FNDC3B: variants seen among roughly 807,000 people sequenced by gnomAD.
FNDC3B encodes the protein fibronectin type III domain containing 3B, also known as fibronectin type III domain-containing protein 3B.
FNDC3B carries 12 observed loss-of-function variants against 151.5 expected under a neutral mutation model. The observed-to-expected ratio is 0.08, with a 90% CI of 0.05 to 0.13. The LOEUF (loss-of-function observed/expected upper bound fraction) is 0.13. Ranked by LOEUF, FNDC3B falls within the 10% of genes least tolerant of loss-of-function variation. FNDC3B has a pLI of 1.00. For synonymous variants in FNDC3B, 528 were observed against 549.0 expected, an observed-to-expected ratio of 0.96 and a Z score of 0.54; for missense variants, 1,214 against 1,505.3, an observed-to-expected ratio of 0.81 and a Z score of 3.20.
At chr3:172,154,176 G>T (rs1037992007) in intron 3 of FNDC3B, among the ~76,000 whole-genome samples, 2 of 152,228 alleles carry the variant, frequency 1.3e-5, no homozygotes, top group Non-Finnish European at 2.9e-5. Flanking sequence ...CAGAATTTTA[G>T]AGTGAGATGG....
chr3:172,053,776 CAAA>C (rs562005467), intron 1 of FNDC3B, among the ~76,000 whole-genome samples: 51 of 113,316 alleles, frequency 4.5e-4, no homozygotes, highest in Non-Finnish European at 5.4e-4. Context: ...AACTCCGTCT[CAAA>C]AAAAAAAAAA....
At chr3:172,341,648 A>T (rs1040807318) in intron 17 of FNDC3B, among the ~76,000 whole-genome samples, 2 of 152,222 alleles carry the variant, frequency 1.3e-5, no homozygotes, top group African/African-American at 4.8e-5. Flanking sequence ...TTTGAGACAT[A>T]CCTTCCTCAA....
At position 172,219,588 on chromosome 3, in the gene FNDC3B, C is replaced by A. The variant is rs151005251; in HGVS notation, c.188-7283C>A. 6.6e-5 allele frequency among the ~76,000 whole-genome samples: 10 copies of A among 152,350 alleles called. No individual in the cohort carries two copies. The East Asian group carries it at 1.9e-3, about 29-fold the overall frequency. On this transcript the variant is annotated intron_variant, in intron 3 of 25. Transcript: ENST00000415807. ...TTTCATCACCCCAAAAAGCTGTACC[C>A]ATTGAGCGGATGCTCCTCAGTCCTG...
At chr3:172,366,326 T>C (rs1232700482) in intron 23 of FNDC3B, among the ~76,000 whole-genome samples, 3 of 152,194 alleles carry the variant, frequency 2.0e-5, no homozygotes, top group African/African-American at 7.2e-5. Context: ...TGTTGTTGTT[T>C]TTACAGCCTC....
chr3:172,150,053 G>C (rs929893726), intron 3 of FNDC3B, among the ~76,000 whole-genome samples: 3 of 151,964 alleles, frequency 2.0e-5, no homozygotes, highest in African/African-American at 7.3e-5. Flanking sequence ...TCCTGACCTT[G>C]TGATCCACCC....
intron 4 of FNDC3B, among the ~76,000 whole-genome samples, chr3:172,234,594 C>T (rs1727043725): frequency 6.6e-6 from 1 of 152,208 alleles, no homozygotes; most frequent in African/African-American, 2.4e-5. Flanking sequence ...GTGTGGCACA[C>T]TTATTGACAT....
chr3:172,119,208 A>T (rs1720418119), intron 2 of FNDC3B, among the ~76,000 whole-genome samples: 1 of 149,980 alleles, frequency 6.7e-6, no homozygotes, highest in Non-Finnish European at 1.5e-5. Flanking sequence ...AGAGGATAGG[A>T]TTTATGACTA....
intron 2 of FNDC3B, among the ~76,000 whole-genome samples, chr3:172,125,739 C>T (rs1214615724): frequency 6.6e-6 from 1 of 152,074 alleles, no homozygotes; most frequent in Non-Finnish European, 1.5e-5. Flanking sequence ...AGAAAATGGC[C>T]ACTTCGCGTC....
At chr3:172,234,717 G>A (rs1383678590) in intron 4 of FNDC3B, among the ~76,000 whole-genome samples, 3 of 152,174 alleles carry the variant, frequency 2.0e-5, no homozygotes, top group African/African-American at 7.2e-5. Context: ...GGAATCATTA[G>A]TGTTAAATTT....
chr3:172,311,057 A>G, intron 11 of FNDC3B, 176 bp downstream of exon 11: 1 of 586,904 alleles, frequency 1.7e-6, no homozygotes. Flanking sequence ...TTGAAGTAGT[A>G]TTATGAGTTG....
intron 1 of FNDC3B, among the ~76,000 whole-genome samples, chr3:172,074,050 G>T (rs1197198558): frequency 6.6e-6 from 1 of 152,200 alleles, no homozygotes; most frequent in Non-Finnish European, 1.5e-5. Flanking sequence ...TGTGGAGGAA[G>T]ACTTTCTCTG....
intron 8 of FNDC3B, among the ~76,000 whole-genome samples, chr3:172,296,771 C>T (rs981757282): frequency 1.1e-4 from 17 of 152,186 alleles, no homozygotes; most frequent in African/African-American, 3.6e-4. Flanking sequence ...CTGAACTGCA[C>T]GGACCCACTT....
chr3:172,225,347 A>AT (rs113441932), intron 3 of FNDC3B: 1 of 162,706 alleles, frequency 6.1e-6, no homozygotes, highest in Non-Finnish European at 1.3e-5. Context: ...CTAATTTTTT[A>AT]TTTTTTGTAG....
chr3:172,248,886 CAAAG>C (rs1259376052), intron 5 of FNDC3B, among the ~76,000 whole-genome samples: 4 of 149,304 alleles, frequency 2.7e-5, no homozygotes, highest in South Asian at 2.1e-4. Flanking sequence ...TTTTTGTAGT[CAAAG>C]AAATTTGACA....
At chr3:172,291,916 T>C (rs1730363391) in intron 7 of FNDC3B, among the ~76,000 whole-genome samples, 1 of 152,198 alleles carries the variant, frequency 6.6e-6, no homozygotes, top group Non-Finnish European at 1.5e-5. Context: ...GAAATCGGCA[T>C]GAACCTAGAT....
At chr3:172,333,991 T>G (rs983105389) in intron 14 of FNDC3B, among the ~76,000 whole-genome samples, 1 of 152,012 alleles carries the variant, frequency 6.6e-6, no homozygotes, top group East Asian at 1.9e-4. Flanking sequence ...GACTTTACGA[T>G]CACTAAGAGA....
In FNDC3B at chr3:172,398,717, A is replaced by T. The variant is rs1397642582; in HGVS notation, c.*1242A>T. 1 of 152,058 alleles carries T rather than the reference A, an allele frequency of 6.6e-6. No individual in the cohort carries two copies. Among genetic ancestry groups the T allele is most frequent in the Non-Finnish European group, 1.5e-5 (1 of 68,030 alleles). The allele number at this position is 152,058 out of a possible 1,614,324, so 9.4% of individuals were successfully genotyped here. ...CTGCGTGACCTGAACACGTCACTTT[A>T]CCTCTCTGTGCCTCAGTTTTCCCAT... On this transcript the variant is annotated 3_prime_UTR_variant, in exon 26 of 26. Coordinates refer to ENST00000415807, the MANE Select transcript of FNDC3B (RefSeq NM_022763.4).
chr3:172,050,733 G>GTGTGTGTGTGTGTGTATA lies in FNDC3B; in HGVS notation c.-29+10963_-29+10964insGTGTGTGTGTGTGTATAT, dbSNP rs397991660. Among the ~76,000 whole-genome samples the GTGTGTGTGTGTGTGTATA allele has an allele frequency of 1.1e-3, 145 of 137,922 alleles. 1 individual carries two copies. The highest frequency in any genetic ancestry group is 3.5e-3 in the African/African-American group (136 of 38,364). The allele number at this position is 137,922 out of a possible 152,430, so 90.5% of individuals were successfully genotyped here. The stretch of plus-strand genomic sequence containing the variant: ...TGTGTGTGTGTGTGTGTGTGTGTGT[G>GTGTGTGTGTGTGTGTATA]TATAGTGTGTATATATACTATATAT... On this transcript the variant is annotated intron_variant, in intron 1 of 25. Coordinates refer to ENST00000415807, the MANE Select transcript of FNDC3B (RefSeq NM_022763.4).
intron 11 of FNDC3B, among the ~76,000 whole-genome samples, chr3:172,327,519 GC>G (rs1204392116): frequency 1.3e-5 from 2 of 152,160 alleles, no homozygotes; most frequent in Admixed American, 6.5e-5. Flanking sequence ...TCCCTCCTCA[GC>G]CCCCTGAGTA....
Sources: gnomAD v4.1 joint callset for allele counts (sites outside exome capture counted in the v4.1 genomes callset) on GRCh38, gnomAD v4.1.1 for gene constraint, MANE v1.5 for transcripts, NCBI Gene and HGNC (gene_info 2026-07-23, HGNC 2026-07-21) for gene names.